Variants in CLIC6 observed in about 807,000 individuals in gnomAD.
The protein encoded by CLIC6 is CLIC family member 6, also known as chloride intracellular channel protein 6.
A neutral mutation model predicts 49.2 loss-of-function variants in CLIC6; 39 were observed. The observed-to-expected ratio is 0.79, with a 90% confidence interval of 0.61 to 1.04. CLIC6 has a LOEUF of 1.04. CLIC6 is among the 50% of genes least tolerant of loss of function. CLIC6 has a pLI of 0.00. For synonymous variants in CLIC6, 446 were observed against 433.4 expected (o/e 1.03, Z -0.36); for missense variants, 988 against 993.1 (o/e 0.99, Z 0.07).
intron 1 of CLIC6, among the ~76,000 whole-genome samples, chr21:34,699,508 C>A (rs1486058831): frequency 1.3e-5 from 2 of 151,454 alleles, no homozygotes; most frequent in African/African-American, 2.4e-5. Flanking sequence ...AAGCAATCTG[C>A]CCACCTCGGC....
chr21:34,709,266 G>T, intron 4 of CLIC6, 91 bp from the exon 5 acceptor site: 2 of 1,164,044 alleles, frequency 1.7e-6, no homozygotes, highest in Non-Finnish European at 2.5e-6. Flanking sequence ...CCACATCTCA[G>T]CGAGGAAGGG....
intron 1 of CLIC6, among the ~76,000 whole-genome samples, chr21:34,687,996 T>C (rs1052884426): frequency 1.3e-5 from 2 of 152,126 alleles, no homozygotes; most frequent in Non-Finnish European, 2.9e-5. Context: ...CCACTGGGGG[T>C]ATGCAGTGTA....
chr21:34,669,471 C>G lies in CLIC6; in HGVS notation c.83C>G (p.Pro28Arg). Residue 28 changes from proline to arginine, a missense_variant, in exon 1 of 6, where the codon CCC (proline) becomes CGC (arginine). Physicochemically the swap from Pro to Arg is moderately radical, Grantham distance 103. Around this residue, in one of 3 missense-constraint regions of CLIC6, gnomAD observed 284 missense variants for 278.6 expected, o/e 1.02. Transcript: ENST00000349499. ...GTCCCCGCGCCTCTGGCTGAGAGAC[C>G]CGGAGAGCCAGGAGCCGCGGGCGGG... is the stretch of plus-strand genomic sequence containing the variant. ...PEVPAPLAER[P>R]GEPGAAGGEA... The G allele has an allele frequency of 2.4e-6, 3 of 1,234,836 alleles. No homozygotes were observed. Among genetic ancestry groups the G allele is most frequent in the Non-Finnish European group, 3.0e-6 (3 of 990,000 alleles). The allele number at this position is 1,234,836 out of a possible 1,614,324, so 76.5% of individuals were successfully genotyped here.
intron 1 of CLIC6, among the ~76,000 whole-genome samples, chr21:34,679,257 A>T (rs1284570594): frequency 3.3e-5 from 5 of 152,202 alleles, no homozygotes; most frequent in African/African-American, 1.2e-4. Flanking sequence ...AGGAAGGAAA[A>T]GTGCCAAGTG....
chr21:34,710,244 C>T (rs1326531735), intron 5 of CLIC6, among the ~76,000 whole-genome samples: 1 of 152,146 alleles, frequency 6.6e-6, no homozygotes, highest in Non-Finnish European at 1.5e-5. Context: ...TGGCACTGCA[C>T]TCTGGCCTGG....
At chr21:34,714,825 G>T (rs968310005) in intron 5 of CLIC6, among the ~76,000 whole-genome samples, 4 of 152,100 alleles carry the variant, frequency 2.6e-5, no homozygotes, top group Non-Finnish European at 4.4e-5. Context: ...ACACACACAT[G>T]CATACAGAAG....
At chr21:34,671,668 A>G (rs1190463100) in intron 1 of CLIC6, among the ~76,000 whole-genome samples, 1 of 152,224 alleles carries the variant, frequency 6.6e-6, no homozygotes, top group East Asian at 1.9e-4. Flanking sequence ...TGGAGATAAT[A>G]AGGTCAAGAA....
In CLIC6 at chr21:34,674,845, G is replaced by A. The variant is rs138496600; in HGVS notation, c.1374+4083G>A. Reference sequence around the variant, plus strand: ...CATAATAACAACAGGCAAAACACTAGCAGCAGAGAGTTAAGTAAGAACTTC... The same window carrying A: ...CATAATAACAACAGGCAAAACACTAACAGCAGAGAGTTAAGTAAGAACTTC... On this transcript the variant is annotated intron_variant, in intron 1 of 5. Coordinates refer to ENST00000349499, the MANE Select transcript of CLIC6 (RefSeq NM_053277.3). Among the ~76,000 whole-genome samples the A allele has an allele frequency of 2.6e-5, 4 of 152,260 alleles. No homozygotes were observed. The South Asian group carries it at 6.2e-4, about 24-fold the overall frequency.
Position 34,716,529 on chromosome 21 carries a change from A to G in CLIC6, c.*47A>G. ...ATTTCTCAGTTGAGTGAGCAAGGAT[A>G]CGAAAACAGTGTGTTTGAAAACAAA... On this transcript the variant is annotated 3_prime_UTR_variant, in exon 6 of 6. Coordinates refer to ENST00000349499, the MANE Select transcript of CLIC6 (RefSeq NM_053277.3). 2 of 1,504,404 alleles carry G rather than the reference A, an allele frequency of 1.3e-6. No individual in the cohort carries two copies. Among genetic ancestry groups the G allele is most frequent in the Non-Finnish European group, 1.8e-6 (2 of 1,113,844 alleles). 93.2% of individuals were successfully genotyped at this position (1,504,404 alleles called of 1,614,324 possible). A position where few individuals can be genotyped will look rare whatever the true frequency, so the allele number is the denominator to read the frequency against.
intron 1 of CLIC6, among the ~76,000 whole-genome samples, chr21:34,698,068 G>A (rs549230114): frequency 6.6e-6 from 1 of 152,194 alleles, no homozygotes; most frequent in East Asian, 1.9e-4. Flanking sequence ...TCACTGTGAT[G>A]AGGAATCTCA....
intron 1 of CLIC6, among the ~76,000 whole-genome samples, chr21:34,704,756 C>A (rs1255825261): frequency 6.6e-6 from 1 of 151,896 alleles, no homozygotes; most frequent in African/African-American, 2.4e-5. Flanking sequence ...CGGCTTTATT[C>A]CCCCTAAAGA....
intron 1 of CLIC6, among the ~76,000 whole-genome samples, chr21:34,691,941 T>G (rs1046491643): frequency 6.6e-6 from 1 of 152,256 alleles, no homozygotes; most frequent in Non-Finnish European, 1.5e-5. Flanking sequence ...AATCCAAATC[T>G]TCTTAGTATT....
At chr21:34,701,705 C>T (rs1286567124) in intron 1 of CLIC6, among the ~76,000 whole-genome samples, 1 of 152,180 alleles carries the variant, frequency 6.6e-6, no homozygotes, top group African/African-American at 2.4e-5. Context: ...CACCATGTTG[C>T]CTTGGAGAAA....
intron 1 of CLIC6, among the ~76,000 whole-genome samples, chr21:34,699,065 T>C (rs1289568056): frequency 6.6e-6 from 1 of 152,208 alleles, no homozygotes; most frequent in Non-Finnish European, 1.5e-5. Flanking sequence ...TGAAGTCTAT[T>C]TGCATCTTTG....
chr21:34,672,038 C>G (rs191676333), intron 1 of CLIC6, among the ~76,000 whole-genome samples: 34 of 152,210 alleles, frequency 2.2e-4, no homozygotes, highest in African/African-American at 8.2e-4. Context: ...AGAAATTTCC[C>G]GTTGCTGTGG....
In CLIC6 at chr21:34,670,055, G is replaced by A. The variant is rs531747205; in HGVS notation, c.667G>A (p.Glu223Lys). ...EGPAGDSVDA[E>K]GRVGDSVDAE... ...CCCGGCGGGGGACAGCGTAGACGCG[G>A]AGGGCCGGGTGGGGGACAGCGTAGA... is the stretch of plus-strand genomic sequence containing the variant. The change falls in exon 1 of 6, where the codon GAG becomes AAG. Residue 223 changes from glutamate to lysine, a missense_variant. Transcript: ENST00000349499. 1.2e-5 allele frequency: 17 copies of A among 1,384,246 alleles called. No individual in the cohort carries two copies. The East Asian group carries it at 5.1e-4, about 41-fold the overall frequency. 85.7% of individuals were successfully genotyped at this position (1,384,246 alleles called of 1,614,324 possible). A position where few individuals can be genotyped will look rare whatever the true frequency, so the allele number is the denominator to read the frequency against.
chr21:34,713,579 C>A (rs2056069978), intron 5 of CLIC6, among the ~76,000 whole-genome samples: 1 of 151,482 alleles, frequency 6.6e-6, no homozygotes, highest in Non-Finnish European at 1.5e-5. Context: ...TGAGAAAAAT[C>A]ATCTAAAATC....
rs550122722 is a variant in CLIC6, at chr21:34,685,884, C to A, written c.1374+15122C>A. Reference sequence around the variant, plus strand: ...CCCATGGCTGAGTACAAAACAACAACTCCATTGCTTTTAGACACTACTAAG... The same window carrying A: ...CCCATGGCTGAGTACAAAACAACAAATCCATTGCTTTTAGACACTACTAAG... On this transcript the variant is annotated intron_variant, in intron 1 of 5. Coordinates refer to ENST00000349499, the MANE Select transcript of CLIC6 (RefSeq NM_053277.3). Among the ~76,000 whole-genome samples, 29 of 152,300 alleles carry A rather than the reference C, an allele frequency of 1.9e-4. 1 individual carries two copies. Among genetic ancestry groups the A allele is most frequent in the African/African-American group, 6.7e-4 (28 of 41,558 alleles).
At chr21:34,694,779 G>A (rs1302182938) in intron 1 of CLIC6, among the ~76,000 whole-genome samples, 2 of 152,206 alleles carry the variant, frequency 1.3e-5, no homozygotes, top group Non-Finnish European at 2.9e-5. Flanking sequence ...GGTTGTTAGA[G>A]GTTTGGTGCA....
Sources: gnomAD v4.1 joint callset for allele counts (sites outside exome capture counted in the v4.1 genomes callset) on GRCh38, gnomAD v4.1.1 for gene constraint, gnomAD v4.1.1 regional missense constraint, MANE v1.5 for transcripts, NCBI Gene and HGNC (gene_info 2026-07-23, HGNC 2026-07-21) for gene names.